ANO7: variants seen among roughly 807,000 people sequenced by gnomAD.
ANO7 encodes anoctamin-7.
In ANO7, 114 loss-of-function variants were observed where a neutral mutation model predicts 115.8. The observed-to-expected ratio is 0.98, with a 90% CI of 0.85 to 1.15. ANO7 has a LOEUF of 1.15. Ranked by LOEUF, ANO7 falls within the 50% of genes most tolerant of loss-of-function variation. ANO7 has a pLI of 0.00. For synonymous variants in ANO7, 550 were observed against 498.2 expected (o/e 1.10, Z -1.38); for missense variants, 1,302 against 1,201.2 (o/e 1.08, Z -1.24).
At chr2:241,199,150 C>T (rs1367329810) in intron 4 of ANO7, 166 bp from the exon 5 acceptor site, 9 of 643,744 alleles carry the variant, frequency 1.4e-5, no homozygotes, top group East Asian at 1.1e-4. Flanking sequence ...CTTTCAGAGG[C>T]GTATCCATGG....
In ANO7 at chr2:241,219,333, A is replaced by G. The variant is rs77019290; in HGVS notation, c.2321+952A>G. On this transcript the variant is annotated intron_variant, in intron 21 of 24. Coordinates refer to ENST00000674324, the MANE Select transcript of ANO7 (RefSeq NM_001370694.2). Reference sequence around the variant, plus strand: ...CTCTCTCAGGTTTTGCTTTTGCTCTATGTATTTTGAGCTTTTTAGTTGTGT... The same window carrying G: ...CTCTCTCAGGTTTTGCTTTTGCTCTGTGTATTTTGAGCTTTTTAGTTGTGT... Among the ~76,000 whole-genome samples, 498 of 152,300 alleles carry G rather than the reference A, an allele frequency of 3.3e-3. 1 individual carries two copies. The highest frequency in any genetic ancestry group is 0.012 in the African/African-American group (484 of 41,552).
chr2:241,232,647 T>C, the ANO7 span, among the ~76,000 whole-genome samples: 1 of 152,074 alleles, frequency 6.6e-6, no homozygotes, highest in African/African-American at 2.4e-5. Context: ...GGTGAGGGGC[T>C]TAAAAGAGCT....
intron 3 of ANO7, among the ~76,000 whole-genome samples, chr2:241,192,161 A>C (rs1437487503): frequency 6.6e-6 from 1 of 152,208 alleles, no homozygotes; most frequent in Non-Finnish European, 1.5e-5. Flanking sequence ...ACATGGAGAA[A>C]CTAAAAATAC....
At chr2:241,239,627 C>T in the ANO7 span, 57 of 1,614,048 alleles carry the variant, frequency 3.5e-5, no homozygotes, top group Non-Finnish European at 4.2e-5. The surrounding 1 kb of genome is among the most constrained non-coding windows in gnomAD (Gnocchi z 4.6). Context: ...CTCCTGAATG[C>T]GTTTCTTGGC....
chr2:241,233,338 CA>C, the ANO7 span, among the ~76,000 whole-genome samples: 6 of 152,118 alleles, frequency 3.9e-5, no homozygotes, highest in Non-Finnish European at 7.4e-5. The surrounding 1 kb of genome is among the most constrained non-coding windows in gnomAD (Gnocchi z 4.3). Context: ...GGGCCAGTGG[CA>C]GGGGGGTGGC....
chr2:241,218,258 C>T lies in ANO7; in HGVS notation c.2198C>T (p.Ser733Leu), dbSNP rs1252563677. The stretch of plus-strand genomic sequence containing the variant: ...GCCCAGGCCTTCCTCCTGGCCTTCT[C>T]GTCCGACTTCCTGCCGCGCGCCTAC... ...VISNAFLLAFSSDFLPRAYYR... is the reference protein window; with the variant it reads ...VISNAFLLAFLSDFLPRAYYR... Residue 733 changes from serine to leucine, a missense_variant, in exon 21 of 25, where the codon TCG becomes TTG. Coordinates refer to ENST00000674324, the MANE Select transcript of ANO7 (RefSeq NM_001370694.2). 7 of 1,528,924 alleles carry T rather than the reference C, an allele frequency of 4.6e-6. No homozygotes were observed. Among genetic ancestry groups the T allele is most frequent in the South Asian group, 1.2e-5 (1 of 84,814 alleles). The allele number at this position is 1,528,924 out of a possible 1,614,324, so 94.7% of individuals were successfully genotyped here.
At chr2:241,226,525 C>T (rs1227721492), downstream of ANO7, among the ~76,000 whole-genome samples, 1 of 151,804 alleles carries the variant, frequency 6.6e-6, no homozygotes, top group Admixed American at 6.6e-5. Flanking sequence ...CCCGGGTTCA[C>T]GCCATTCTCC....
At chr2:241,190,234 C>A in intron 2 of ANO7, 63 bp downstream of exon 2, 1 of 1,410,314 alleles carries the variant, frequency 7.1e-7, no homozygotes, top group Non-Finnish European at 9.6e-7. Flanking sequence ...GGTCTATGCC[C>A]CCACCCTGGG....
chr2:241,196,468 A>C (rs2068332185), intron 4 of ANO7, among the ~76,000 whole-genome samples: 1 of 152,118 alleles, frequency 6.6e-6, no homozygotes, highest in African/African-American at 2.4e-5. Context: ...TCCTCTGACC[A>C]CCTTCCTCTG....
intron 18 of ANO7, 133 bp from the exon 19 acceptor site, chr2:241,215,960 G>C (rs2068819550): frequency 8.7e-7 from 1 of 1,154,540 alleles, no homozygotes; most frequent in Non-Finnish European, 1.2e-6. Flanking sequence ...CTCAGCCCCA[G>C]ACCCCATCCC....
At chr2:241,230,256 A>C, downstream of ANO7, 1 of 1,589,726 alleles carries the variant, frequency 6.3e-7, no homozygotes, top group Non-Finnish European at 8.6e-7. This position sits in a 1 kb window ranked among gnomAD's most constrained non-coding sequence, Gnocchi z 5.0. Context: ...GCTCTGTGGG[A>C]AGCGAATGTC....
rs34069570 is a variant in ANO7, at chr2:241,190,109, G to A, written c.46G>A (p.Asp16Asn). The change falls in exon 2 of 25, where the codon GAT becomes AAT. Residue 16 changes from aspartate to asparagine, a missense_variant. By Grantham distance (23) the Asp-to-Asn change is conservative. Transcript: ENST00000674324. ...GGAAGAGGACAGCACCGTCCTGATC[G>A]ATGTGAGCCCCCCTGAGGCAGAGAA... Reference protein sequence around the residue: ...AQEEDSTVLIDVSPPEAEKRG... With the variant: ...AQEEDSTVLINVSPPEAEKRG... 0.024 allele frequency: 38,744 copies of A among 1,583,504 alleles called. 568 individuals carry two copies. The highest frequency in any genetic ancestry group is 0.029 in the Non-Finnish European group (33,255 of 1,165,166).
chr2:241,200,881 G>A (rs1427327484), intron 6 of ANO7, among the ~76,000 whole-genome samples: 3 of 152,236 alleles, frequency 2.0e-5, no homozygotes, highest in African/African-American at 4.8e-5. Context: ...CCCAGTCACT[G>A]TCCGCACTGC....
At chr2:241,223,123 G>A (rs2069065535) in intron 21 of ANO7, 63 bp from the exon 22 acceptor site, 3 of 1,463,900 alleles carry the variant, frequency 2.0e-6, no homozygotes, top group Non-Finnish European at 2.9e-6. Context: ...GCTAATTCCA[G>A]AGGCACCTGC....
chr2:241,205,384 G>A (rs1471749635), intron 10 of ANO7, among the ~76,000 whole-genome samples: 1 of 151,666 alleles, frequency 6.6e-6, no homozygotes, highest in African/African-American at 2.4e-5. Context: ...GGACAGGAGT[G>A]CTCCCAGGCT....
chr2:241,240,225 A>G, the ANO7 span: 5 of 1,109,920 alleles, frequency 4.5e-6, no homozygotes, highest in East Asian at 2.4e-5. The surrounding 1 kb of genome is among the most constrained non-coding windows in gnomAD (Gnocchi z 5.5). Context: ...CTCCCCTTAC[A>G]TTGTCACCAG....
intron 17 of ANO7, among the ~76,000 whole-genome samples, chr2:241,213,719 T>G (rs1249820398): frequency 6.6e-6 from 1 of 152,200 alleles, no homozygotes; most frequent in Non-Finnish European, 1.5e-5. Flanking sequence ...GGGACCTAAG[T>G]GGACCCCTGC....
the ANO7 span, chr2:241,238,701 A>G: frequency 1.3e-6 from 2 of 1,589,820 alleles, no homozygotes; most frequent in African/African-American, 2.7e-5. This position sits in a 1 kb window ranked among gnomAD's most constrained non-coding sequence, Gnocchi z 4.9. Flanking sequence ...AATCCCGAGT[A>G]ATCTGCTGGA....
chr2:241,224,279 T>C lies in ANO7; in HGVS notation c.*126T>C, dbSNP rs1574805088. ...GCTGGCTGCTGTTGTGCCTCATCTC[T>C]GGGCACATTGCCTGCTTCCCCCCAG... On this transcript the variant is annotated 3_prime_UTR_variant, in exon 25 of 25. Transcript: ENST00000674324. 2.9e-6 allele frequency: 3 copies of C among 1,046,836 alleles called. No homozygotes were observed. In the Admixed American group the frequency reaches 7.1e-5, roughly 25 times the overall value. The allele number at this position is 1,046,836 out of a possible 1,614,324, so 64.8% of individuals were successfully genotyped here.
Sources: gnomAD v4.1 joint callset for allele counts (sites outside exome capture counted in the v4.1 genomes callset) on GRCh38, gnomAD v4.1.1 for gene constraint, Gnocchi (gnomAD v3.1) non-coding constraint, MANE v1.5 for transcripts, NCBI Gene and HGNC (gene_info 2026-07-23, HGNC 2026-07-21) for gene names.